GFOD1: variants seen among roughly 807,000 people sequenced by gnomAD.
The protein encoded by GFOD1 is Gfo/Idh/MocA-like oxidoreductase domain containing 1.
A neutral mutation model predicts 25.4 loss-of-function variants in GFOD1; 9 were observed. The ratio of observed to expected loss-of-function variants is 0.35; its 90% confidence interval spans 0.21 to 0.62. GFOD1 has a LOEUF of 0.62. Among genes scored for constraint, GFOD1 ranks in the 20% least tolerant of loss-of-function variants. The pLI is 0.72. For synonymous variants in GFOD1, 253 were observed against 245.6 expected (o/e 1.03, Z -0.28); for missense variants, 403 against 556.9 (o/e 0.72, Z 2.78).
intron 1 of GFOD1, among the ~76,000 whole-genome samples, chr6:13,432,228 CTT>C (rs537723348): frequency 2.9e-4 from 41 of 141,322 alleles, no homozygotes; most frequent in Admixed American, 2.8e-4. Flanking sequence ...CTTTTCTTTT[CTT>C]TTTTTTTTTT....
chr6:13,443,809 T>A, intron 1 of GFOD1, among the ~76,000 whole-genome samples: 1 of 105,358 alleles, frequency 9.5e-6, no homozygotes. Flanking sequence ...AGAGCAAGAC[T>A]CAGTCTTAAA....
chr6:13,366,634 ATT>A (rs905039990), intron 1 of GFOD1, among the ~76,000 whole-genome samples: 8 of 144,194 alleles, frequency 5.5e-5, no homozygotes, highest in Admixed American at 1.4e-4. Flanking sequence ...GCGCCCAGCC[ATT>A]TTTTTTTTTT....
chr6:13,428,885 G>A (rs542291438), intron 1 of GFOD1, among the ~76,000 whole-genome samples: 2 of 152,236 alleles, frequency 1.3e-5, no homozygotes, highest in Non-Finnish European at 2.9e-5. Context: ...ATTGTAAAAT[G>A]TATAGCTTCC....
chr6:13,384,493 T>C (rs1368192487), intron 1 of GFOD1, among the ~76,000 whole-genome samples: 1 of 152,202 alleles, frequency 6.6e-6, no homozygotes, highest in African/African-American at 2.4e-5. Context: ...CTCCCAACCA[T>C]AATTATAAGT....
intron 1 of GFOD1, among the ~76,000 whole-genome samples, chr6:13,390,780 A>AGAGAAAGGAAGGAAGGAAGG (rs1491481409): frequency 2.5e-5 from 3 of 117,952 alleles, no homozygotes; most frequent in South Asian, 3.2e-4. Context: ...AGAGAGAGAG[A>AGAGAAAGGAAGGAAGGAAGG]AAGGAAGGAA....
chr6:13,461,540 C>T (rs1260272931), intron 1 of GFOD1, among the ~76,000 whole-genome samples: 1 of 152,192 alleles, frequency 6.6e-6, no homozygotes, highest in Non-Finnish European at 1.5e-5. Context: ...TTTACATCCA[C>T]TGTCAGCTCA....
At chr6:13,369,507 T>C (rs1228322723) in intron 1 of GFOD1, among the ~76,000 whole-genome samples, 1 of 151,998 alleles carries the variant, frequency 6.6e-6, no homozygotes, top group East Asian at 1.9e-4. Context: ...ATCCCATTTC[T>C]TAAAAAAAGC....
At chr6:13,381,905 A>ACG (rs753072626) in intron 1 of GFOD1, among the ~76,000 whole-genome samples, 166 of 92,378 alleles carry the variant, frequency 1.8e-3, no homozygotes, top group African/African-American at 3.7e-3. Flanking sequence ...TAAAACACAC[A>ACG]CGCGCGCGCG....
intron 1 of GFOD1, among the ~76,000 whole-genome samples, chr6:13,468,542 G>A (rs532031313): frequency 6.6e-6 from 1 of 152,258 alleles, no homozygotes; most frequent in East Asian, 1.9e-4. Context: ...TTCATTGTTG[G>A]AAAAGCACAG....
In GFOD1 at chr6:13,359,068, C is replaced by T. The variant is rs911551656; in HGVS notation, c.*5675G>A. ...GCCACTGGGAACACTGAGCCCATCACCTTTTAAAGAAGCGCAGGAGGTCTT... is the reference window on the plus strand; with the variant it reads ...GCCACTGGGAACACTGAGCCCATCATCTTTTAAAGAAGCGCAGGAGGTCTT... On this transcript the variant is annotated 3_prime_UTR_variant, in exon 2 of 2. Coordinates refer to ENST00000379287, the MANE Select transcript of GFOD1 (RefSeq NM_018988.4). 12 of 152,318 alleles carry T rather than the reference C, an allele frequency of 7.9e-5. No individual in the cohort carries two copies. Among genetic ancestry groups the T allele is most frequent in the Admixed American group, 2.6e-4 (4 of 15,284 alleles). 9.4% of individuals were successfully genotyped at this position (152,318 alleles called of 1,614,324 possible).
chr6:13,469,770 T>C, intron 1 of GFOD1: 2 of 1,135,406 alleles, frequency 1.8e-6, no homozygotes, highest in South Asian at 3.2e-5. Context: ...TGACACATGA[T>C]ATTTAACCTC....
chr6:13,439,166 C>T (rs1757877864), intron 1 of GFOD1, among the ~76,000 whole-genome samples: 1 of 152,156 alleles, frequency 6.6e-6, no homozygotes, highest in Non-Finnish European at 1.5e-5. Context: ...TGCCCCTTGT[C>T]TAACACTACA....
intron 1 of GFOD1, among the ~76,000 whole-genome samples, chr6:13,381,915 G>GCGCGCACACA (rs748305101): frequency 1.6e-4 from 23 of 140,142 alleles, no homozygotes; most frequent in Admixed American, 7.5e-4. Flanking sequence ...ACGCGCGCGC[G>GCGCGCACACA]CACACACACA....
chr6:13,477,492 G>A (rs547398974), intron 1 of GFOD1, among the ~76,000 whole-genome samples: 3 of 151,928 alleles, frequency 2.0e-5, no homozygotes, highest in South Asian at 4.2e-4. Context: ...ACTATGTCTC[G>A]TGGCACTCCT....
intron 1 of GFOD1, among the ~76,000 whole-genome samples, chr6:13,413,469 C>T (rs1205593398): frequency 1.3e-5 from 2 of 152,186 alleles, no homozygotes; most frequent in Non-Finnish European, 2.9e-5. Context: ...CCAAGAAAAA[C>T]CAACGTGATC....
chr6:13,469,358 A>C, intron 1 of GFOD1: 2 of 985,652 alleles, frequency 2.0e-6, no homozygotes, highest in South Asian at 9.4e-5. Flanking sequence ...ATCATGAAAT[A>C]ACATTTTCTC....
chr6:13,374,532 CT>C (rs774193212), intron 1 of GFOD1, among the ~76,000 whole-genome samples: 1 of 151,802 alleles, frequency 6.6e-6, no homozygotes, highest in Non-Finnish European at 1.5e-5. Flanking sequence ...TCTTGAACTC[CT>C]GACCTCAAGT....
intron 1 of GFOD1, among the ~76,000 whole-genome samples, chr6:13,391,244 G>GT (rs149607464): frequency 0.068 from 10,336 of 152,180 alleles, 531 homozygotes; most frequent in Non-Finnish European, 0.096. Flanking sequence ...TTATCTGACG[G>GT]TGCTAGCTAG....
chr6:13,377,097 C>T (rs951991652), intron 1 of GFOD1, among the ~76,000 whole-genome samples: 9 of 149,088 alleles, frequency 6.0e-5, no homozygotes, highest in African/African-American at 2.2e-4. Context: ...AATCCAGAAA[C>T]ATTGGGTTTC....
Sources: gnomAD v4.1 joint callset for allele counts (sites outside exome capture counted in the v4.1 genomes callset) on GRCh38, gnomAD v4.1.1 for gene constraint, MANE v1.5 for transcripts, NCBI Gene and HGNC (gene_info 2026-07-23, HGNC 2026-07-21) for gene names.